Variants in ALOX12B observed in about 807,000 individuals in gnomAD.
The protein encoded by ALOX12B is arachidonate 12-lipoxygenase, 12R-type.
Under a neutral mutation model 78.9 loss-of-function variants are expected in ALOX12B, and 47 were observed. The ratio of observed to expected loss-of-function variants is 0.60; its 90% CI spans 0.47 to 0.76. ALOX12B has a LOEUF of 0.76. Among genes scored for constraint, ALOX12B ranks in the 30% least tolerant of loss-of-function variants. The probability of loss-of-function intolerance (pLI) is 0.00; values close to 1 mark genes in which losing one functional copy is unlikely to be tolerated. For synonymous variants in ALOX12B, 370 were observed against 374.5 expected, an observed-to-expected ratio of 0.99 and a Z score of 0.14; for missense variants, 805 against 922.6, an observed-to-expected ratio of 0.87 and a Z score of 1.65.
At position 8,079,682 on chromosome 17, in the gene ALOX12B, G is replaced by A. The variant is rs1977164810; in HGVS notation, c.927+87C>T. The stretch of plus-strand genomic sequence containing the variant: ...CGGGGTGCGGGCTTGCCTGGGACTG[G>A]CGCGGGCGCCGGAGGTGGGGAGAGA... On this transcript the variant is annotated intron_variant, in intron 7 of 14. Coordinates refer to ENST00000647874, the MANE Select transcript of ALOX12B (RefSeq NM_001139.3). This position sits in a 1 kb window ranked among gnomAD's most constrained non-coding sequence, Gnocchi z 6.4. 3.2e-6 allele frequency: 5 copies of A among 1,546,394 alleles called. No individual in the cohort carries two copies. The highest frequency in any genetic ancestry group is 4.4e-6 in the Non-Finnish European group (5 of 1,144,796).
In ALOX12B at chr17:8,079,950, A is replaced by G; in HGVS notation, c.755-9T>C. On this transcript the variant is annotated splice_polypyrimidine_tract_variant and intron_variant, in intron 6 of 14. Transcript: ENST00000647874. This position sits in a 1 kb window ranked among gnomAD's most constrained non-coding sequence, Gnocchi z 6.4. ...GTGCTCGGCCACGTACTCTGCGAGG[A>G]CGGCGCGAGGGCGTCACAAGGAGGC... is the stretch of plus-strand genomic sequence containing the variant. 1 of 1,610,006 alleles carries G rather than the reference A, an allele frequency of 6.2e-7. No individual in the cohort carries two copies. The highest frequency in any genetic ancestry group is 8.5e-7 in the Non-Finnish European group (1 of 1,178,378).
chr17:8,079,901 C>T lies in ALOX12B; in HGVS notation c.795G>A (p.Gly265=). 6.2e-7 allele frequency: 1 copy of T among 1,613,272 alleles called. No homozygotes were observed. Among genetic ancestry groups the T allele is most frequent in the African/African-American group, 1.3e-5 (1 of 75,040 alleles). The change falls in exon 7 of 15, where the codon GGG becomes GGA. Residue 265 remains glycine (G), a synonymous_variant. Transcript: ENST00000647874. The surrounding 1 kb of genome is among the most constrained non-coding windows in gnomAD (Gnocchi z 6.4). ...GGTTGACGCCGTTGAGGTACTGGTA[C>T]CCAAAGAAGGTGTCCTCTGCCCAGT... The part of the protein sequence containing the change: ...AEHWAEDTFF[G]YQYLNGVNPG...
chr17:8,077,912 C>A lies in ALOX12B; in HGVS notation c.1072-719G>T, dbSNP rs570454582. 8.5e-5 allele frequency among the ~76,000 whole-genome samples: 13 copies of A among 152,230 alleles called. No individual in the cohort carries two copies. The South Asian group carries it at 2.7e-3, about 32-fold the overall frequency. The stretch of plus-strand genomic sequence containing the variant: ...GGGCATACAAGTACAGCTGGCCCTC[C>A]GTATCCATGGGTTCCACACCAGTGG... On this transcript the variant is annotated intron_variant, in intron 8 of 14. Transcript: ENST00000647874.
At chr17:8,076,570 AG>A in intron 10 of ALOX12B, 86 bp downstream of exon 10, 2 of 1,453,722 alleles carry the variant, frequency 1.4e-6, no homozygotes, top group Non-Finnish European at 9.4e-7. Flanking sequence ...GATGACCCAA[AG>A]GCAAATGGGA....
At chr17:8,084,188 A>C (rs1432633800) in intron 2 of ALOX12B, among the ~76,000 whole-genome samples, 1 of 151,754 alleles carries the variant, frequency 6.6e-6, no homozygotes, top group African/African-American at 2.4e-5. Flanking sequence ...CCAAATGTCC[A>C]GCTAGTCAGT....
chr17:8,081,581 C>G, intron 2 of ALOX12B: 1 of 299,886 alleles, frequency 3.3e-6, no homozygotes, highest in Non-Finnish European at 6.8e-6. Context: ...TTCTCATCAT[C>G]CACCCCCTCC....
intron 8 of ALOX12B, 108 bp from the exon 9 acceptor site, chr17:8,077,301 C>G: frequency 8.7e-7 from 1 of 1,154,420 alleles, no homozygotes; most frequent in Non-Finnish European, 1.3e-6. Flanking sequence ...GAAAACACTC[C>G]TAAGCTCCGG....
Position 8,073,153 on chromosome 17 carries a change from C to G in ALOX12B, c.1921G>C (p.Asp641His), listed in dbSNP as rs1977016255. ...TCCCCCATCCCGTCTCGCACCCTGTCGTCAGGCTCTCGGCTGAGGGTCCAG... is the reference window on the plus strand; with the variant it reads ...TCCCCCATCCCGTCTCGCACCCTGTGGTCAGGCTCTCGGCTGAGGGTCCAG... ...VLWTLSREPD[D>H]RRPLGHFPDI... is the part of the protein sequence containing the mutation. The change falls in exon 14 of 15, where the codon GAC becomes CAC. Residue 641 changes from aspartate (D) to histidine (H), a missense_variant. By Grantham distance (81) the Asp-to-His change is moderately conservative. Coordinates refer to ENST00000647874, the MANE Select transcript of ALOX12B (RefSeq NM_001139.3). 5.6e-6 allele frequency: 9 copies of G among 1,614,150 alleles called. No homozygotes were observed. The highest frequency in any genetic ancestry group is 6.8e-6 in the Non-Finnish European group (8 of 1,180,048).
chr17:8,086,404 C>T (rs1407969235), intron 1 of ALOX12B, among the ~76,000 whole-genome samples, 184 bp from the exon 2 acceptor site: 1 of 152,170 alleles, frequency 6.6e-6, no homozygotes, highest in Non-Finnish European at 1.5e-5. Context: ...GCTTGGGGGT[C>T]TCCTACTGGA....
intron 2 of ALOX12B, among the ~76,000 whole-genome samples, chr17:8,085,497 G>A (rs1210510700): frequency 6.6e-6 from 1 of 152,174 alleles, no homozygotes; most frequent in Non-Finnish European, 1.5e-5. Flanking sequence ...GCACCACGGA[G>A]ACCTGTTGAA....
chr17:8,078,958 C>A (rs1977146604), intron 8 of ALOX12B, among the ~76,000 whole-genome samples: 2 of 143,562 alleles, frequency 1.4e-5, no homozygotes, highest in Non-Finnish European at 3.0e-5. Flanking sequence ...CATGCAGTGG[C>A]ATGATCTAGG....
chr17:8,082,282 A>C (rs891040789), intron 2 of ALOX12B, among the ~76,000 whole-genome samples: 1 of 152,166 alleles, frequency 6.6e-6, no homozygotes, highest in Non-Finnish European at 1.5e-5. Context: ...AGCACTTACT[A>C]GGTCCCAGGT....
In ALOX12B at chr17:8,080,789, A is replaced by G; in HGVS notation, c.528-9T>C. The G allele has an allele frequency of 6.2e-7, 1 of 1,614,018 alleles. No homozygotes were observed. The highest frequency in any genetic ancestry group is 1.1e-5 in the South Asian group (1 of 91,076). ...GAATATAGCCATTCCACCTGTGGGG[A>G]GAAGCGCAGGGCAACTGGGATCCAG... On this transcript the variant is annotated splice_polypyrimidine_tract_variant and intron_variant, in intron 4 of 14. Transcript: ENST00000647874. This position sits in a 1 kb window ranked among gnomAD's most constrained non-coding sequence, Gnocchi z 4.8.
chr17:8,087,668 G>A lies in ALOX12B; in HGVS notation c.-226C>T, dbSNP rs912514114. On this transcript the variant is annotated 5_prime_UTR_variant, in exon 1 of 15. Coordinates refer to ENST00000647874, the MANE Select transcript of ALOX12B (RefSeq NM_001139.3). ...GGGTGGGTGCCGGGCAGGCCCAGGC[G>A]GAGCCCAGCTGGTGGTGAGTGAGCA... 52 of 656,280 alleles carry A rather than the reference G, an allele frequency of 7.9e-5. No homozygotes were observed. Among genetic ancestry groups the A allele is most frequent in the Admixed American group, 1.9e-4 (7 of 37,650 alleles). The allele number at this position is 656,280 out of a possible 1,614,324, so 40.7% of individuals were successfully genotyped here.
chr17:8,087,241 C>CACACAG (rs1978303034), intron 1 of ALOX12B, 55 bp downstream of exon 1: 4 of 1,098,688 alleles, frequency 3.6e-6, no homozygotes, highest in Admixed American at 2.8e-5. Flanking sequence ...CACACAGACA[C>CACACAG]ACACACACAC....
intron 12 of ALOX12B, among the ~76,000 whole-genome samples, chr17:8,075,332 C>T (rs1977057421): frequency 6.6e-6 from 1 of 152,160 alleles, no homozygotes; most frequent in African/African-American, 2.4e-5. Flanking sequence ...GGGACCCCTC[C>T]AGGTCTCTGC....
intron 1 of ALOX12B, among the ~76,000 whole-genome samples, chr17:8,086,741 C>T (rs548351970): frequency 6.6e-6 from 1 of 152,244 alleles, no homozygotes; most frequent in South Asian, 2.1e-4. Flanking sequence ...TGGTCTGATG[C>T]CATTTTAAGT....
Position 8,080,088 on chromosome 17 carries a change from C to G in ALOX12B, c.754+147G>C. 2 of 1,476,656 alleles carry G rather than the reference C, an allele frequency of 1.4e-6. No homozygotes were observed. The highest frequency in any genetic ancestry group is 1.9e-6 in the Non-Finnish European group (2 of 1,062,868). 91.5% of individuals were successfully genotyped at this position (1,476,656 alleles called of 1,614,324 possible). A position where few individuals can be genotyped will look rare whatever the true frequency, so the allele number is the denominator to read the frequency against. ...CTGGCGCTGAGCGGCCGGAGGAGCC[C>G]GGTGCGACATTTTCCAAGAAGCCGC... On this transcript the variant is annotated intron_variant, in intron 6 of 14. Coordinates refer to ENST00000647874, the MANE Select transcript of ALOX12B (RefSeq NM_001139.3). The surrounding 1 kb of genome is among the most constrained non-coding windows in gnomAD (Gnocchi z 4.8).
rs377507805 is a variant in ALOX12B at position 8,075,337 on chromosome 17, C to A, written c.1654+258G>T. ...GGGTGGGGCTGGGACCCCTCCAGGT[C>A]TCTGCAGAGATGACCCACAGCCCCT... On this transcript the variant is annotated intron_variant, in intron 12 of 14. Transcript: ENST00000647874. Among the ~76,000 whole-genome samples, 32 of 152,316 alleles carry A rather than the reference C, an allele frequency of 2.1e-4. 2 individuals carry two copies. The highest frequency in any genetic ancestry group is 7.2e-4 in the African/African-American group (30 of 41,566).
Sources: gnomAD v4.1 joint callset for allele counts (sites outside exome capture counted in the v4.1 genomes callset) on GRCh38, gnomAD v4.1.1 for gene constraint, Gnocchi (gnomAD v3.1) non-coding constraint, MANE v1.5 for transcripts, NCBI Gene and HGNC (gene_info 2026-07-23, HGNC 2026-07-21) for gene names.